The following FNIP2 variants were observed in gnomAD, a reference collection of about 807,000 sequenced individuals.
FNIP2 encodes the protein folliculin-interacting protein 2.
A neutral mutation model predicts 108.7 loss-of-function variants in FNIP2; 32 were observed. The ratio of observed to expected loss-of-function variants is 0.29; its 90% CI spans 0.22 to 0.40. The LOEUF is 0.40. FNIP2 is among the 10% of genes least tolerant of loss of function. The pLI is 1.00. For synonymous variants in FNIP2, 480 were observed against 496.7 expected (o/e 0.97, Z 0.45); for missense variants, 1,202 against 1,381.6 (o/e 0.87, Z 2.06).
chr4:158,834,326 CTCT>C (rs1778668667), intron 6 of FNIP2: 1 of 149,952 alleles, frequency 6.7e-6, no homozygotes, highest in African/African-American at 2.5e-5. Flanking sequence ...CTCTCTCTCT[CTCT>C]CCCTCTCTAA....
chr4:158,886,049 A>C (rs1782009320), intron 14 of FNIP2, among the ~76,000 whole-genome samples: 2 of 152,206 alleles, frequency 1.3e-5, no homozygotes, highest in South Asian at 2.1e-4. Context: ...CAGGAAATGG[A>C]CCCATCCTTA....
chr4:158,885,300 C>T (rs980052612), intron 14 of FNIP2, among the ~76,000 whole-genome samples: 31 of 152,156 alleles, frequency 2.0e-4, no homozygotes, highest in African/African-American at 7.2e-4. Context: ...GGTGGGGACA[C>T]AGAGCCAAAC....
rs1446499233 is a variant in FNIP2 at position 158,868,303 on chromosome 4, C to T, written c.1667C>T (p.Ala556Val). Residue 556 changes from alanine (A) to valine (V), a missense_variant, in exon 13 of 17, where the codon GCC (alanine) becomes GTC (valine). Coordinates refer to ENST00000264433, the MANE Select transcript of FNIP2 (RefSeq NM_020840.3). The surrounding 1 kb of genome is among the most constrained non-coding windows in gnomAD (Gnocchi z 4.6). Reference sequence around the variant, plus strand: ...TTAAATGGGAGCAAGATCATAACAGCCTTGGAGAAAGGAGAGGTGGAGGAG... The same window carrying T: ...TTAAATGGGAGCAAGATCATAACAGTCTTGGAGAAAGGAGAGGTGGAGGAG... Reference protein sequence around the residue: ...QVLNGSKIITALEKGEVEESE... With the variant: ...QVLNGSKIITVLEKGEVEESE... 3 of 1,614,028 alleles carry T rather than the reference C, an allele frequency of 1.9e-6. No homozygotes were observed. Among genetic ancestry groups the T allele is most frequent in the African/African-American group, 1.3e-5 (1 of 75,046 alleles).
chr4:158,902,072 GT>G (rs1453845314), intron 16 of FNIP2, among the ~76,000 whole-genome samples: 1 of 151,958 alleles, frequency 6.6e-6, no homozygotes, highest in Non-Finnish European at 1.5e-5. Context: ...GAGCATTCTG[GT>G]TTTTTGAATT....
At chr4:158,893,746 T>C (rs1478165846) in intron 15 of FNIP2, 2 of 1,503,222 alleles carry the variant, frequency 1.3e-6, no homozygotes, top group Non-Finnish European at 9.1e-7. Flanking sequence ...ATATTAGACT[T>C]CATAGTTTAC....
In FNIP2 at chr4:158,829,119, G is replaced by A. The variant is rs1778318876; in HGVS notation, c.275G>A (p.Cys92Tyr). 6.2e-7 allele frequency: 1 copy of A among 1,612,314 alleles called. No individual in the cohort carries two copies. Among genetic ancestry groups the A allele is most frequent in the Non-Finnish European group, 8.5e-7 (1 of 1,179,168 alleles). ...DVPIKISAKC[C>Y]QGSSSVSSSS... ...CCTATTAAAATATCAGCCAAGTGCT[G>A]CCAGGGAAGCAGCAGTGTCAGCAGC... Residue 92 changes from cysteine (C) to tyrosine (Y), a missense_variant, in exon 3 of 17, where the codon TGC (cysteine) becomes TAC (tyrosine). By Grantham distance (194) the Cys-to-Tyr change is radical (BLOSUM62 -2). Transcript: ENST00000264433.
chr4:158,898,563 A>G (rs1395274605), intron 16 of FNIP2, among the ~76,000 whole-genome samples: 1 of 152,156 alleles, frequency 6.6e-6, no homozygotes, highest in South Asian at 2.1e-4. Context: ...CATCTCTTGT[A>G]AGTTATATTA....
At chr4:158,856,871 A>AT (rs1780014816) in intron 8 of FNIP2, among the ~76,000 whole-genome samples, 1 of 152,184 alleles carries the variant, frequency 6.6e-6, no homozygotes, top group Non-Finnish European at 1.5e-5. Context: ...CTTAAACATC[A>AT]TTTTTTGTAG....
chr4:158,828,459 C>CA (rs1458415984), intron 2 of FNIP2, among the ~76,000 whole-genome samples: 1 of 152,036 alleles, frequency 6.6e-6, no homozygotes, highest in African/African-American at 2.4e-5. Flanking sequence ...ACTAAAAATA[C>CA]AAAAAAATTA....
At chr4:158,813,658 T>A (rs887433749) in intron 1 of FNIP2, among the ~76,000 whole-genome samples, 5 of 152,230 alleles carry the variant, frequency 3.3e-5, no homozygotes, top group African/African-American at 1.2e-4. Flanking sequence ...GTGTCTTTCT[T>A]AGAGCAGAAG....
chr4:158,896,322 G>A (rs1782670699), intron 16 of FNIP2, among the ~76,000 whole-genome samples: 1 of 152,076 alleles, frequency 6.6e-6, no homozygotes, highest in Non-Finnish European at 1.5e-5. Flanking sequence ...GTCTGTGGGG[G>A]GACAGTGCTT....
intron 14 of FNIP2, chr4:158,890,106 G>A: frequency 1.0e-6 from 1 of 985,118 alleles, no homozygotes; most frequent in Non-Finnish European, 1.2e-6. Context: ...TGGGAAACTG[G>A]GCTTTATGAA....
chr4:158,904,774 C>T lies in FNIP2; in HGVS notation c.*230C>T, dbSNP rs1020381229. Reference sequence around the variant, plus strand: ...CGTGAACACTTTAGGCCATTTGTTACCCATGAATCAACAAAGAAACTGACC... The same window carrying T: ...CGTGAACACTTTAGGCCATTTGTTATCCATGAATCAACAAAGAAACTGACC... On this transcript the variant is annotated 3_prime_UTR_variant, in exon 17 of 17. Coordinates refer to ENST00000264433, the MANE Select transcript of FNIP2 (RefSeq NM_020840.3). 1.0e-5 allele frequency: 5 copies of T among 496,450 alleles called. No homozygotes were observed. The Admixed American group carries it at 1.3e-4, about 13-fold the overall frequency. 30.8% of individuals were successfully genotyped at this position (496,450 alleles called of 1,614,324 possible).
chr4:158,786,066 C>T (rs907906995), intron 1 of FNIP2, among the ~76,000 whole-genome samples: 5 of 152,190 alleles, frequency 3.3e-5, no homozygotes, highest in Non-Finnish European at 7.3e-5. Flanking sequence ...CTTCCTAGAA[C>T]CTTGAAAGAT....
At chr4:158,798,116 G>C (rs1456506101) in intron 1 of FNIP2, among the ~76,000 whole-genome samples, 1 of 152,016 alleles carries the variant, frequency 6.6e-6, no homozygotes, top group Non-Finnish European at 1.5e-5. Flanking sequence ...TCAAGCCAAA[G>C]CGCAGTGGTG....
chr4:158,881,431 CGG>C (rs1299952615), intron 14 of FNIP2, among the ~76,000 whole-genome samples: 7 of 143,400 alleles, frequency 4.9e-5, no homozygotes, highest in Admixed American at 2.1e-4. Flanking sequence ...TCTCTTTCCA[CGG>C]TCTCCCTCTC....
intron 14 of FNIP2, among the ~76,000 whole-genome samples, chr4:158,883,114 A>C (rs1781785482): frequency 6.6e-6 from 1 of 152,132 alleles, no homozygotes; most frequent in Non-Finnish European, 1.5e-5. Flanking sequence ...ACACACACAA[A>C]AAAAAAATGA....
At chr4:158,849,258 G>C (rs542991902) in intron 7 of FNIP2, among the ~76,000 whole-genome samples, 1 of 152,280 alleles carries the variant, frequency 6.6e-6, no homozygotes, top group East Asian at 1.9e-4. Flanking sequence ...TAATGAAGAG[G>C]AATTTTAGTT....
rs542706904 is a variant in FNIP2, at chr4:158,907,330, T to C, written c.*2786T>C. On this transcript the variant is annotated 3_prime_UTR_variant, in exon 17 of 17. Coordinates refer to ENST00000264433, the MANE Select transcript of FNIP2 (RefSeq NM_020840.3). ...AATCCATTTTTCGAAGTGTGCTGTT[T>C]TTTAATGAAAGTAACTATAATCTTT... The C allele has an allele frequency of 1.3e-5, 2 of 152,252 alleles. No individual in the cohort carries two copies. Among genetic ancestry groups the C allele is most frequent in the Non-Finnish European group, 2.9e-5 (2 of 68,040 alleles). 9.4% of individuals were successfully genotyped at this position (152,252 alleles called of 1,614,324 possible).
Sources: gnomAD v4.1 joint callset for allele counts (sites outside exome capture counted in the v4.1 genomes callset) on GRCh38, gnomAD v4.1.1 for gene constraint, Gnocchi (gnomAD v3.1) non-coding constraint, MANE v1.5 for transcripts, NCBI Gene and HGNC (gene_info 2026-07-23, HGNC 2026-07-21) for gene names.